The following RPS6KC1 variants were observed in gnomAD, a reference collection of about 807,000 sequenced individuals.
RPS6KC1 encodes the protein ribosomal protein S6 kinase C1, also known as inactive ribosomal protein S6 kinase delta-1.
In RPS6KC1, 54 loss-of-function variants were observed where a neutral mutation model predicts 103.8. That is an observed-to-expected ratio of 0.52 (90% CI 0.42 to 0.65). The LOEUF (loss-of-function observed/expected upper bound fraction) is 0.65, where lower values mean the gene tolerates loss of function less well. RPS6KC1 is among the 30% of genes least tolerant of loss of function. RPS6KC1 has a pLI of 0.00. For synonymous variants in RPS6KC1, 439 were observed against 438.7 expected, an observed-to-expected ratio of 1.00 and a Z score of -0.01; for missense variants, 1,151 against 1,253.8, an observed-to-expected ratio of 0.92 and a Z score of 1.24.
At chr1:213,333,321 A>T in the RPS6KC1 span, among the ~76,000 whole-genome samples, 30 of 152,290 alleles carry the variant, frequency 2.0e-4, no homozygotes, top group African/African-American at 7.0e-4. Flanking sequence ...GAAAAGCTGG[A>T]TGTGGTGGAA....
chr1:213,165,291 C>T (rs2090858531), intron 6 of RPS6KC1, among the ~76,000 whole-genome samples: 1 of 152,094 alleles, frequency 6.6e-6, no homozygotes, highest in African/African-American at 2.4e-5. Context: ...AGTGCAGTGG[C>T]ATGATCTCAG....
the RPS6KC1 span, among the ~76,000 whole-genome samples, chr1:213,496,586 C>T: frequency 2.6e-5 from 4 of 151,980 alleles, no homozygotes; most frequent in South Asian, 4.2e-4. Context: ...GGTGAAACCC[C>T]GTCTCTACTA....
At chr1:213,512,951 C>A in the RPS6KC1 span, among the ~76,000 whole-genome samples, 1 of 152,132 alleles carries the variant, frequency 6.6e-6, no homozygotes, top group Non-Finnish European at 1.5e-5. Flanking sequence ...TGTTTTTTAC[C>A]TATGGTAGGA....
At chr1:213,445,933 G>A in the RPS6KC1 span, among the ~76,000 whole-genome samples, 1 of 152,210 alleles carries the variant, frequency 6.6e-6, no homozygotes, top group African/African-American at 2.4e-5. Flanking sequence ...CACCGAGGAA[G>A]CTGGGCCTTC....
chr1:213,337,226 C>T, the RPS6KC1 span, among the ~76,000 whole-genome samples: 4 of 152,222 alleles, frequency 2.6e-5, no homozygotes, highest in African/African-American at 9.6e-5. Flanking sequence ...TTCTTCCAGG[C>T]TTAATACAGG....
chr1:213,470,729 G>A, the RPS6KC1 span, among the ~76,000 whole-genome samples: 4 of 146,334 alleles, frequency 2.7e-5, no homozygotes, highest in East Asian at 2.1e-4. Flanking sequence ...CAAGCAATCC[G>A]CCCACCTCAG....
At chr1:213,151,789 C>T (rs1413773457) in intron 6 of RPS6KC1, among the ~76,000 whole-genome samples, 6 of 135,662 alleles carry the variant, frequency 4.4e-5, no homozygotes, top group Non-Finnish European at 9.6e-5. Flanking sequence ...GCTGACCCCC[C>T]CCACCTCCCT....
chr1:213,771,872 G>A, the RPS6KC1 span, among the ~76,000 whole-genome samples: 5 of 152,128 alleles, frequency 3.3e-5, no homozygotes, highest in African/African-American at 7.2e-5. Context: ...AAGAAGCGAA[G>A]GTATTGCTTA....
At chr1:213,500,808 G>A in the RPS6KC1 span, among the ~76,000 whole-genome samples, 6 of 152,148 alleles carry the variant, frequency 3.9e-5, no homozygotes, top group African/African-American at 1.2e-4. Flanking sequence ...GAACAATAAA[G>A]TAAAAATATT....
intron 8 of RPS6KC1, among the ~76,000 whole-genome samples, chr1:213,184,425 A>G (rs2092432019): frequency 6.6e-6 from 1 of 152,026 alleles, no homozygotes; most frequent in African/African-American, 2.4e-5. Context: ...TAATTTCATT[A>G]AATTCATATT....
the RPS6KC1 span, among the ~76,000 whole-genome samples, chr1:213,316,966 G>A: frequency 6.6e-6 from 1 of 152,138 alleles, no homozygotes; most frequent in African/African-American, 2.4e-5. Flanking sequence ...TGGGGGTGAG[G>A]TCAGAGAGGG....
chr1:213,406,701 C>T, the RPS6KC1 span, among the ~76,000 whole-genome samples: 2 of 152,214 alleles, frequency 1.3e-5, no homozygotes, highest in African/African-American at 4.8e-5. Flanking sequence ...CCTTCACTCT[C>T]TACCCCTCAA....
the RPS6KC1 span, among the ~76,000 whole-genome samples, chr1:213,397,582 A>AACACACAC: frequency 2.2e-3 from 198 of 89,124 alleles, 1 homozygote; most frequent in African/African-American, 6.9e-3. Context: ...AAGAGTCAGG[A>AACACACAC]ACACATACAC....
At chr1:213,517,479 G>A in the RPS6KC1 span, among the ~76,000 whole-genome samples, 3 of 152,100 alleles carry the variant, frequency 2.0e-5, no homozygotes, top group Non-Finnish European at 2.9e-5. Flanking sequence ...CCTTCATTTC[G>A]TTATGTACCC....
chr1:213,637,417 G>A, the RPS6KC1 span, among the ~76,000 whole-genome samples: 1 of 150,852 alleles, frequency 6.6e-6, no homozygotes, highest in South Asian at 2.1e-4. Context: ...GCAGTGGGTG[G>A]GGGTGGGAGG....
At chr1:213,578,067 C>CT in the RPS6KC1 span, among the ~76,000 whole-genome samples, 1 of 152,224 alleles carries the variant, frequency 6.6e-6, no homozygotes, top group African/African-American at 2.4e-5. Context: ...CTTTGCTGCA[C>CT]TGTGCAGTCT....
At chr1:213,148,097 CTCTT>C (rs1376267177) in intron 6 of RPS6KC1, among the ~76,000 whole-genome samples, 2 of 152,124 alleles carry the variant, frequency 1.3e-5, no homozygotes, top group South Asian at 2.1e-4. Flanking sequence ...ATTTTCTTGT[CTCTT>C]TAAGTTTTTC....
At chr1:213,186,391 G>A (rs2092533587) in intron 8 of RPS6KC1, among the ~76,000 whole-genome samples, 1 of 151,956 alleles carries the variant, frequency 6.6e-6, no homozygotes, top group Non-Finnish European at 1.5e-5. Context: ...TGTTTTTTAA[G>A]CACTTTGAAA....
chr1:213,671,190 G>A, the RPS6KC1 span, among the ~76,000 whole-genome samples: 22 of 152,296 alleles, frequency 1.4e-4, no homozygotes, highest in African/African-American at 4.8e-4. Context: ...ATAGTATTCA[G>A]CCTTAAAAAC....
Sources: allele counts gnomAD v4.1 joint callset (sites outside exome capture counted in the v4.1 genomes callset), GRCh38; gene constraint gnomAD v4.1.1; transcripts MANE v1.5; gene names NCBI Gene and HGNC (gene_info 2026-07-23, HGNC 2026-07-21).